VWC2: variants seen among roughly 807,000 people sequenced by gnomAD.
VWC2 encodes the protein von Willebrand factor C domain containing 2.
VWC2 carries 14 observed loss-of-function variants against 29.8 expected under a neutral mutation model. The observed-to-expected ratio is 0.47, with a 90% CI of 0.31 to 0.74. The LOEUF (loss-of-function observed/expected upper bound fraction) is 0.74. Among genes scored for constraint, VWC2 ranks in the 30% least tolerant of loss-of-function variants. The pLI is 0.05. For missense variants in VWC2, 457 were observed against 459.8 expected (o/e 0.99, Z 0.05); for synonymous variants, 213 against 199.0 (o/e 1.07, Z -0.59).
chr7:49,871,936 C>T (rs1791171242), intron 3 of VWC2, among the ~76,000 whole-genome samples: 1 of 133,954 alleles, frequency 7.5e-6, no homozygotes, highest in Non-Finnish European at 1.6e-5. Context: ...CACACACACA[C>T]ACACACACAC....
At chr7:49,907,143 ATGT>A (rs1162879699) in intron 3 of VWC2, among the ~76,000 whole-genome samples, 1 of 152,196 alleles carries the variant, frequency 6.6e-6, no homozygotes, top group African/African-American at 2.4e-5. Context: ...ATTAAGAAGT[ATGT>A]TACCTTTTGT....
At chr7:49,797,988 G>A (rs1271487695) in intron 2 of VWC2, among the ~76,000 whole-genome samples, 4 of 152,240 alleles carry the variant, frequency 2.6e-5, no homozygotes, top group Admixed American at 6.5e-5. Flanking sequence ...AACTTAGGTT[G>A]TCCCTAGTTA....
intron 2 of VWC2, among the ~76,000 whole-genome samples, chr7:49,800,097 G>A (rs1046414834): frequency 6.6e-6 from 1 of 152,204 alleles, no homozygotes; most frequent in Non-Finnish European, 1.5e-5. Flanking sequence ...AAACCTTTGA[G>A]AAAATAGCAT....
intron 2 of VWC2, among the ~76,000 whole-genome samples, chr7:49,781,347 C>T (rs1166931310): frequency 1.3e-5 from 2 of 152,062 alleles, no homozygotes; most frequent in African/African-American, 4.8e-5. Context: ...TGCTTATTTG[C>T]ATGTTCCATA....
intron 3 of VWC2, among the ~76,000 whole-genome samples, chr7:49,906,404 C>T (rs1036974776): frequency 6.6e-6 from 1 of 152,084 alleles, no homozygotes; most frequent in African/African-American, 2.4e-5. Flanking sequence ...GCGGCGACCT[C>T]AGCTCACTGC....
At chr7:49,831,990 G>T (rs758244315) in intron 3 of VWC2, among the ~76,000 whole-genome samples, 1 of 152,266 alleles carries the variant, frequency 6.6e-6, no homozygotes, top group African/African-American at 2.4e-5. Flanking sequence ...TTTCCCTGAG[G>T]CCAGCCTGTT....
chr7:49,878,475 G>C (rs1380370597), intron 3 of VWC2, among the ~76,000 whole-genome samples: 1 of 152,060 alleles, frequency 6.6e-6, no homozygotes, highest in African/African-American at 2.4e-5. Context: ...TAATGTATTT[G>C]CTCAATACCT....
chr7:49,812,576 G>A (rs1002852283), intron 3 of VWC2, among the ~76,000 whole-genome samples: 2 of 152,144 alleles, frequency 1.3e-5, no homozygotes, highest in Non-Finnish European at 2.9e-5. Context: ...TTAAACTTAA[G>A]AGTTTATTTG....
Position 49,921,946 on chromosome 7 carries a change from A to G in VWC2, c.*9761A>G, listed in dbSNP as rs1794037738. On this transcript the variant is annotated 3_prime_UTR_variant, in exon 4 of 4. Transcript: ENST00000340652. The stretch of plus-strand genomic sequence containing the variant: ...ATTTATAAAATAAAGTATTTATTAA[A>G]CTGAGTTTTGCACTTCCAGGTAGAG... 1 of 152,160 alleles carries G rather than the reference A, an allele frequency of 6.6e-6. No homozygotes were observed. Among genetic ancestry groups the G allele is most frequent in the African/African-American group, 2.4e-5 (1 of 41,436 alleles). The allele number at this position is 152,160 out of a possible 1,614,324, so 9.4% of individuals were successfully genotyped here. A position where few individuals can be genotyped will look rare whatever the true frequency, so the allele number is the denominator to read the frequency against.
intron 3 of VWC2, among the ~76,000 whole-genome samples, chr7:49,903,772 A>G (rs1419481446): frequency 1.3e-5 from 2 of 152,156 alleles, no homozygotes; most frequent in Non-Finnish European, 1.5e-5. Context: ...AAAATTTAGG[A>G]CAGGGACACA....
At chr7:49,790,253 A>G (rs1177866679) in intron 2 of VWC2, among the ~76,000 whole-genome samples, 2 of 152,232 alleles carry the variant, frequency 1.3e-5, no homozygotes, top group Non-Finnish European at 2.9e-5. Flanking sequence ...AGCTAAAGCC[A>G]TAAAGAAGGA....
chr7:49,899,443 G>A (rs1391589150), intron 3 of VWC2, among the ~76,000 whole-genome samples: 5 of 152,030 alleles, frequency 3.3e-5, no homozygotes, highest in Non-Finnish European at 5.9e-5. Context: ...TGGATAAAAA[G>A]GGACTACTAT....
chr7:49,896,920 G>A (rs1198215653), intron 3 of VWC2, among the ~76,000 whole-genome samples: 7 of 126,324 alleles, frequency 5.5e-5, no homozygotes, highest in African/African-American at 1.9e-4. Flanking sequence ...ACGGAGTCTC[G>A]CTCTGTCGCC....
chr7:49,809,284 T>C (rs1400343096), intron 3 of VWC2, among the ~76,000 whole-genome samples: 1 of 151,958 alleles, frequency 6.6e-6, no homozygotes, highest in African/African-American at 2.4e-5. Context: ...TTGTAAGAAA[T>C]GGACAGATTC....
rs78968648 is a variant in VWC2 at position 49,840,924 on chromosome 7, G to T, written c.826+38084G>T. On this transcript the variant is annotated intron_variant, in intron 3 of 3. Coordinates refer to ENST00000340652, the MANE Select transcript of VWC2 (RefSeq NM_198570.5). ...TTGGTGAAAGCTGGTCAACACTATAGTGGGTTAACATGAGTGACTTGATGG... is the reference window on the plus strand; with the variant it reads ...TTGGTGAAAGCTGGTCAACACTATATTGGGTTAACATGAGTGACTTGATGG... 4.3e-3 allele frequency among the ~76,000 whole-genome samples: 656 copies of T among 152,272 alleles called. 4 individuals carry two copies. The highest frequency in any genetic ancestry group is 0.015 in the African/African-American group (637 of 41,562).
chr7:49,839,712 T>C (rs759460826), intron 3 of VWC2, among the ~76,000 whole-genome samples: 8 of 152,076 alleles, frequency 5.3e-5, no homozygotes, highest in Non-Finnish European at 8.8e-5. Flanking sequence ...CAAGTGGGAA[T>C]TTGTAATATT....
intron 3 of VWC2, among the ~76,000 whole-genome samples, chr7:49,834,952 G>A (rs1789623355): frequency 6.6e-6 from 1 of 152,180 alleles, no homozygotes; most frequent in African/African-American, 2.4e-5. Flanking sequence ...AGAAGCTGAG[G>A]AAAAATTAAT....
At chr7:49,909,383 T>A (rs925051630) in intron 3 of VWC2, among the ~76,000 whole-genome samples, 7 of 152,128 alleles carry the variant, frequency 4.6e-5, no homozygotes, top group African/African-American at 1.7e-4. Context: ...TTAGGGAAAT[T>A]TTAAACATAG....
intron 3 of VWC2, among the ~76,000 whole-genome samples, chr7:49,895,555 A>G (rs1792343617): frequency 6.6e-6 from 1 of 152,208 alleles, no homozygotes; most frequent in South Asian, 2.1e-4. Context: ...GAGGCAAGAA[A>G]AGCATTATAT....
Sources: allele counts gnomAD v4.1 joint callset (sites outside exome capture counted in the v4.1 genomes callset), GRCh38; gene constraint gnomAD v4.1.1; transcripts MANE v1.5; gene names NCBI Gene and HGNC (gene_info 2026-07-23, HGNC 2026-07-21).